The following NHS variants were observed in gnomAD, a reference collection of about 807,000 sequenced individuals.
The protein encoded by NHS is actin remodeling regulator NHS.
NHS carries 5 observed loss-of-function variants against 72.5 expected under a neutral mutation model. That is an observed-to-expected ratio of 0.07 (90% CI 0.04 to 0.14). The LOEUF (loss-of-function observed/expected upper bound fraction) is 0.14, where lower values mean the gene tolerates loss of function less well. Ranked by LOEUF, NHS falls within the 10% of genes least tolerant of loss-of-function variation. The pLI is 1.00. For synonymous variants in NHS, 464 were observed against 547.7 expected (o/e 0.85, Z 2.13); for missense variants, 1,072 against 1,355.7 (o/e 0.79, Z 3.29).
In NHS at chrX:17,422,086, G is replaced by A. The variant is rs149974318; in HGVS notation, c.565+45764G>A. Among the ~76,000 whole-genome samples the A allele has an allele frequency of 8.1e-5, 9 of 111,313 alleles. No homozygotes were observed. The East Asian group carries it at 2.0e-3, about 24-fold the overall frequency. On this transcript the variant is annotated intron_variant, in intron 1 of 8. Transcript: ENST00000676302. ...CTTTTTCAGTCAATACTCATACCTC[G>A]CCTTTCACAACAGTAACTACTATTC...
intron 1 of NHS, among the ~76,000 whole-genome samples, chrX:17,606,511 A>G (rs1569292263): frequency 8.9e-6 from 1 of 112,074 alleles, no homozygotes; most frequent in East Asian, 2.8e-4. Context: ...TTTCTCTGTC[A>G]CTGGAAGATA....
rs1229033785 is a variant in NHS at position 17,694,181 on chromosome X, C to T, written c.852+1713C>T. ...CCCAACAAACATCAATAAGAGAAGA[C>T]TATGGATTACACTTAGGTAAACTTC... is the stretch of plus-strand genomic sequence containing the variant. On this transcript the variant is annotated intron_variant, in intron 3 of 8. Transcript: ENST00000676302. 5.3e-5 allele frequency among the ~76,000 whole-genome samples: 6 copies of T among 112,171 alleles called. No homozygotes were observed. The Admixed American group carries it at 5.7e-4, about 11-fold the overall frequency.
chrX:17,616,116 A>T (rs1466257271), intron 1 of NHS, among the ~76,000 whole-genome samples: 1 of 112,250 alleles, frequency 8.9e-6, no homozygotes, highest in Non-Finnish European at 1.9e-5. Flanking sequence ...TCCCTGTATC[A>T]AAGGTAAAGA....
intron 1 of NHS, among the ~76,000 whole-genome samples, chrX:17,382,987 G>A (rs2064385458): frequency 8.9e-6 from 1 of 112,065 alleles, no homozygotes; most frequent in African/African-American, 3.2e-5. Context: ...ATGCACCAGT[G>A]CCATTACTCC....
chrX:17,425,659 G>T (rs1437036342), intron 1 of NHS, among the ~76,000 whole-genome samples: 1 of 105,848 alleles, frequency 9.4e-6, no homozygotes, highest in Non-Finnish European at 1.9e-5. Flanking sequence ...AGGCCTACCT[G>T]AAGCTGAATC....
At chrX:17,696,111 T>A (rs2066228558) in intron 3 of NHS, among the ~76,000 whole-genome samples, 1 of 111,657 alleles carries the variant, frequency 9.0e-6, no homozygotes, top group South Asian at 3.7e-4. Context: ...AACCTTTTCT[T>A]TAATGCACCA....
rs369343316 is a variant in NHS at position 17,726,602 on chromosome X, C to A, written c.2496C>A (p.His832Gln). 92 of 1,210,301 alleles carry A rather than the reference C, an allele frequency of 7.6e-5. No homozygotes were observed. Among genetic ancestry groups the A allele is most frequent in the Non-Finnish European group, 9.9e-5 (89 of 895,339 alleles). ...PDCAWQDYLD[H>Q]KRQGRPSISF... ...GTGCCTGGCAGGACTACTTAGACCACAAGAGGCAGGGAAGACCAAGCATCT... is the reference window on the plus strand; with the variant it reads ...GTGCCTGGCAGGACTACTTAGACCAAAAGAGGCAGGGAAGACCAAGCATCT... The change falls in exon 7 of 9, where the codon CAC becomes CAA. Residue 832 changes from histidine (H) to glutamine (Q), a missense_variant. His to Gln is a conservative substitution (Grantham distance 24). Coordinates refer to ENST00000676302, the MANE Select transcript of NHS (RefSeq NM_001291867.2).
chrX:17,471,643 C>T (rs1162999399), intron 1 of NHS, among the ~76,000 whole-genome samples: 2 of 111,829 alleles, frequency 1.8e-5, no homozygotes, highest in African/African-American at 6.5e-5. Flanking sequence ...GTAATTGAAA[C>T]CATAGGGAGA....
chrX:17,538,638 C>T (rs1047374635), intron 1 of NHS, among the ~76,000 whole-genome samples: 16 of 111,467 alleles, frequency 1.4e-4, no homozygotes, highest in Non-Finnish European at 2.6e-4. Flanking sequence ...CATAGGTGTA[C>T]GGAGCAAGAA....
At chrX:17,389,754 A>G (rs1261477217) in intron 1 of NHS, among the ~76,000 whole-genome samples, 1 of 109,665 alleles carries the variant, frequency 9.1e-6, no homozygotes, top group Non-Finnish European at 1.9e-5. Flanking sequence ...GGTGCCTGCC[A>G]CCACGCCCAG....
At chrX:17,570,328 G>A (rs1340505917) in intron 1 of NHS, among the ~76,000 whole-genome samples, 4 of 111,940 alleles carry the variant, frequency 3.6e-5, no homozygotes, top group African/African-American at 1.3e-4. Flanking sequence ...CATTGTTTGT[G>A]TCCTCTTTTA....
intron 1 of NHS, among the ~76,000 whole-genome samples, chrX:17,392,012 GCATGGCTAGACTA>G (rs2064447889): frequency 8.9e-6 from 1 of 112,092 alleles, no homozygotes; most frequent in East Asian, 2.8e-4. Flanking sequence ...GCTCCTGGGT[GCATGGCTAGACTA>G]CATTTCCCAG....
chrX:17,381,462 A>G lies in NHS; in HGVS notation c.565+5140A>G, dbSNP rs6632973. On this transcript the variant is annotated intron_variant, in intron 1 of 8. Transcript: ENST00000676302. Reference sequence around the variant, plus strand: ...TCCCTTCAAGCCACCTTCAGTCAATATCCCCCTTCCCAAAAGTAACAACTC... The same window carrying G: ...TCCCTTCAAGCCACCTTCAGTCAATGTCCCCCTTCCCAAAAGTAACAACTC... Among the ~76,000 whole-genome samples the G allele has an allele frequency of 6.4e-4, 71 of 111,479 alleles. 2 individuals are homozygous for G. In the East Asian group the frequency reaches 0.02, roughly 31 times the overall value.
chrX:17,383,514 G>C (rs757958021), intron 1 of NHS, among the ~76,000 whole-genome samples: 1 of 112,109 alleles, frequency 8.9e-6, no homozygotes, highest in Non-Finnish European at 1.9e-5. Flanking sequence ...GGCCAGGAAG[G>C]CCTAAGGAAA....
In NHS at chrX:17,546,380, G is replaced by A. The variant is rs747548831; in HGVS notation, c.566-141362G>A. On this transcript the variant is annotated intron_variant, in intron 1 of 8. Coordinates refer to ENST00000676302, the MANE Select transcript of NHS (RefSeq NM_001291867.2). Reference sequence around the variant, plus strand: ...CCCAGCCCTAGTATCACAGGGCAGAGTATAGAAAAAGTGGGTTTGAAACTG... The same window carrying A: ...CCCAGCCCTAGTATCACAGGGCAGAATATAGAAAAAGTGGGTTTGAAACTG... Among the ~76,000 whole-genome samples the A allele has an allele frequency of 8.0e-5, 9 of 112,314 alleles. No individual in the cohort carries two copies. In the South Asian group the frequency reaches 3.3e-3, roughly 42 times the overall value.
intron 1 of NHS, among the ~76,000 whole-genome samples, chrX:17,482,307 A>G (rs1212618469): frequency 8.9e-6 from 1 of 111,863 alleles, no homozygotes; most frequent in African/African-American, 3.2e-5. Flanking sequence ...GAAATGTCTC[A>G]GCAACATGAC....
intron 1 of NHS, among the ~76,000 whole-genome samples, chrX:17,514,593 T>G (rs1275856213): frequency 8.9e-6 from 1 of 112,104 alleles, no homozygotes; most frequent in Middle Eastern, 4.2e-3. Flanking sequence ...AGGCCTATTG[T>G]AGGACTTCAC....
chrX:17,613,883 G>A (rs777463822), intron 1 of NHS, among the ~76,000 whole-genome samples: 11 of 112,254 alleles, frequency 9.8e-5, no homozygotes, highest in Non-Finnish European at 2.1e-4. Context: ...GACAAAAAAT[G>A]ATGCAAAAAT....
chrX:17,569,088 C>T (rs900482328), intron 1 of NHS, among the ~76,000 whole-genome samples: 2 of 111,413 alleles, frequency 1.8e-5, no homozygotes, highest in Non-Finnish European at 3.8e-5. Context: ...GGGTTGGTTC[C>T]AAGTCTTTGC....
Sources: gnomAD v4.1 joint callset for allele counts (sites outside exome capture counted in the v4.1 genomes callset) on GRCh38, gnomAD v4.1.1 for gene constraint, MANE v1.5 for transcripts, NCBI Gene and HGNC (gene_info 2026-07-23, HGNC 2026-07-21) for gene names.